The following ATRN variants were observed in gnomAD, a reference collection of about 807,000 sequenced individuals.
ATRN encodes attractin, also known as attractin-2.
Under a neutral mutation model 178.7 loss-of-function variants are expected in ATRN, and 54 were observed. The ratio of observed to expected loss-of-function variants is 0.30; its 90% CI spans 0.24 to 0.38. ATRN has a LOEUF of 0.38. Among genes scored for constraint, ATRN ranks in the 10% least tolerant of loss-of-function variants. ATRN has a pLI of 1.00. For synonymous variants in ATRN, 636 were observed against 663.0 expected (o/e 0.96, Z 0.63); for missense variants, 1,443 against 1,815.1 (o/e 0.79, Z 3.73).
At chr20:3,498,361 CA>C (rs2084909813) in intron 1 of ATRN, among the ~76,000 whole-genome samples, 1 of 152,140 alleles carries the variant, frequency 6.6e-6, no homozygotes, top group African/African-American at 2.4e-5. Flanking sequence ...ATACCAAAGC[CA>C]GGCAGAGACA....
rs747879348 is a variant in ATRN at position 3,624,507 on chromosome 20, A to G, written c.3802-4A>G. The G allele has an allele frequency of 6.8e-6, 11 of 1,612,866 alleles. No individual in the cohort carries two copies. The highest frequency in any genetic ancestry group is 9.3e-6 in the Non-Finnish European group (11 of 1,179,188). On this transcript the variant is annotated splice_region_variant and splice_polypyrimidine_tract_variant and intron_variant, in intron 24 of 28. Transcript: ENST00000262919. ...TAATCACACTACCTGTTTTTCTGTC[A>G]CAGATTGCCTTCTCTCAGCACAGCA...
intron 4 of ATRN, 73 bp from the exon 5 acceptor site, chr20:3,547,211 G>GTGGGAGGAAGTTATGCTAAGTTAA: frequency 8.5e-7 from 1 of 1,177,488 alleles, no homozygotes; most frequent in South Asian, 1.3e-5. Flanking sequence ...TTAAACTTGT[G>GTGGGAGGAAGTTATGCTAAGTTAA]TGGGAGGAAG....
At chr20:3,533,844 A>T (rs1298494663) in intron 1 of ATRN, among the ~76,000 whole-genome samples, 2 of 152,180 alleles carry the variant, frequency 1.3e-5, no homozygotes, top group Admixed American at 6.5e-5. Context: ...AAAAATAGAT[A>T]TGAGGGTGTT....
chr20:3,580,927 C>T (rs1240417281), intron 15 of ATRN, among the ~76,000 whole-genome samples: 1 of 152,048 alleles, frequency 6.6e-6, no homozygotes, highest in Non-Finnish European at 1.5e-5. Flanking sequence ...TTTTAGTAGG[C>T]ATGTGTATTT....
At chr20:3,633,970 A>G (rs2087007127) in intron 25 of ATRN, among the ~76,000 whole-genome samples, 1 of 152,236 alleles carries the variant, frequency 6.6e-6, no homozygotes, top group Non-Finnish European at 1.5e-5. Context: ...AACTTGAATA[A>G]ACAGCATGAC....
At chr20:3,504,691 A>G (rs1162614742) in intron 1 of ATRN, among the ~76,000 whole-genome samples, 16 of 12,888 alleles carry the variant, frequency 1.2e-3, no homozygotes, top group South Asian at 8.2e-3. Context: ...GTCTTAAGAT[A>G]ATAATAATAA....
chr20:3,629,596 C>T (rs1273799048), intron 25 of ATRN, among the ~76,000 whole-genome samples: 1 of 152,190 alleles, frequency 6.6e-6, no homozygotes, highest in East Asian at 1.9e-4. Context: ...AGGTTAGGGG[C>T]TCAGTCCCAC....
chr20:3,547,200 C>A, intron 4 of ATRN, 84 bp from the exon 5 acceptor site: 1 of 1,105,650 alleles, frequency 9.0e-7, no homozygotes, highest in Non-Finnish European at 1.4e-6. Context: ...CAGTGAGATT[C>A]TTAAACTTGT....
At chr20:3,614,379 C>G (rs1010426077) in intron 24 of ATRN, among the ~76,000 whole-genome samples, 1 of 152,140 alleles carries the variant, frequency 6.6e-6, no homozygotes, top group Admixed American at 6.5e-5. Context: ...GGCTCTGGCT[C>G]GTTCCCGACT....
rs183908042 is a variant in ATRN, at chr20:3,638,634, T to G, written c.3943-194T>G. Among the ~76,000 whole-genome samples, 71 of 152,298 alleles carry G rather than the reference T, an allele frequency of 4.7e-4. No homozygotes were observed. The highest frequency in any genetic ancestry group is 1.6e-3 in the African/African-American group (66 of 41,546). The stretch of plus-strand genomic sequence containing the variant: ...CTCTGACAGGGGCTTTTAAAAAATA[T>G]AAGGACAATGGTGTTATCACATCCA... On this transcript the variant is annotated intron_variant, in intron 26 of 28. Coordinates refer to ENST00000262919, the MANE Select transcript of ATRN (RefSeq NM_139321.3). This position sits in a 1 kb window ranked among gnomAD's most constrained non-coding sequence, Gnocchi z 4.5.
chr20:3,517,705 A>G (rs1333281759), intron 1 of ATRN, among the ~76,000 whole-genome samples: 2 of 151,316 alleles, frequency 1.3e-5, no homozygotes, highest in Non-Finnish European at 2.9e-5. Flanking sequence ...CAGGAGACGG[A>G]GGTTGCAGTC....
chr20:3,607,392 C>T (rs933793512), intron 24 of ATRN, among the ~76,000 whole-genome samples: 5 of 152,172 alleles, frequency 3.3e-5, no homozygotes, highest in Non-Finnish European at 7.3e-5. Context: ...CCCCAGCCCC[C>T]CAGCAGCTGG....
At chr20:3,628,458 TAAAC>T (rs1488200354) in intron 25 of ATRN, among the ~76,000 whole-genome samples, 1 of 152,142 alleles carries the variant, frequency 6.6e-6, no homozygotes, top group Non-Finnish European at 1.5e-5. Context: ...ATTCCAGAAA[TAAAC>T]AATTTATAAG....
intron 1 of ATRN, among the ~76,000 whole-genome samples, chr20:3,512,103 ATATATT>A (rs1345322148): frequency 6.0e-5 from 7 of 117,294 alleles, no homozygotes; most frequent in Non-Finnish European, 8.4e-5. Flanking sequence ...ATATATATAT[ATATATT>A]TTTTTTTTTT....
chr20:3,503,385 T>C (rs1424308667), intron 1 of ATRN, among the ~76,000 whole-genome samples: 1 of 151,988 alleles, frequency 6.6e-6, no homozygotes, highest in Non-Finnish European at 1.5e-5. Flanking sequence ...CAATCAACAG[T>C]CACCAATACA....
chr20:3,551,517 AC>A (rs1015895442), intron 6 of ATRN, among the ~76,000 whole-genome samples: 4 of 152,042 alleles, frequency 2.6e-5, no homozygotes, highest in African/African-American at 4.8e-5. Context: ...AATCACTTGT[AC>A]AGGAATCTCT....
At position 3,527,231 on chromosome 20, in the gene ATRN, A is replaced by G. The variant is rs1469185607; in HGVS notation, c.411-8022A>G. Among the ~76,000 whole-genome samples the G allele has an allele frequency of 5.9e-5, 9 of 152,320 alleles. No individual in the cohort carries two copies. The South Asian group carries it at 1.9e-3, about 32-fold the overall frequency. ...TCTACAAAGACCAAATTTACAAGAA[A>G]AAAAGCAAACAACCCCATCAAAAAG... On this transcript the variant is annotated intron_variant, in intron 1 of 28. Transcript: ENST00000262919.
chr20:3,512,107 A>ATATATATATTTTTT, intron 1 of ATRN, among the ~76,000 whole-genome samples: 58 of 106,362 alleles, frequency 5.5e-4, no homozygotes, highest in African/African-American at 2.4e-3. Flanking sequence ...ATATATATAT[A>ATATATATATTTTTT]TTTTTTTTTT....
intron 24 of ATRN, among the ~76,000 whole-genome samples, chr20:3,622,556 G>A (rs1187827072): frequency 6.6e-6 from 1 of 152,232 alleles, no homozygotes; most frequent in Admixed American, 6.5e-5. Flanking sequence ...CTTCAGAAGT[G>A]TTCAGTTTGA....
Sources: allele counts gnomAD v4.1 joint callset (sites outside exome capture counted in the v4.1 genomes callset), GRCh38; gene constraint gnomAD v4.1.1; non-coding constraint Gnocchi (gnomAD v3.1); transcripts MANE v1.5; gene names NCBI Gene and HGNC (gene_info 2026-07-23, HGNC 2026-07-21).